The following FAN1 variants were observed in gnomAD, a reference collection of about 807,000 sequenced individuals.
The protein encoded by FAN1 is fanconi-associated nuclease 1.
FAN1 carries 91 observed loss-of-function variants against 104.9 expected under a neutral mutation model. That is an observed-to-expected ratio of 0.87 (90% confidence interval 0.73 to 1.03). The LOEUF (loss-of-function observed/expected upper bound fraction) is 1.03. Ranked by LOEUF, FAN1 falls within the 50% of genes least tolerant of loss-of-function variation. The probability of loss-of-function intolerance (pLI) is 0.00; values close to 1 mark genes in which losing one functional copy is unlikely to be tolerated. For synonymous variants in FAN1, 478 were observed against 457.6 expected, an observed-to-expected ratio of 1.04 and a Z score of -0.57; for missense variants, 1,263 against 1,239.9, an observed-to-expected ratio of 1.02 and a Z score of -0.28.
At chr15:30,936,484 A>G (rs1401725074) in intron 13 of FAN1, among the ~76,000 whole-genome samples, 1 of 152,222 alleles carries the variant, frequency 6.6e-6, no homozygotes, top group African/African-American at 2.4e-5. Flanking sequence ...GCATGCTTTA[A>G]AACAATTTTT....
At chr15:30,936,335 A>G (rs937676556) in intron 13 of FAN1, among the ~76,000 whole-genome samples, 2 of 152,214 alleles carry the variant, frequency 1.3e-5, no homozygotes, top group Admixed American at 6.5e-5. Context: ...GAAATGTCCC[A>G]GGCAGCGGGA....
At position 30,940,365 on chromosome 15, in the gene FAN1, C is replaced by T. The variant is rs771525213; in HGVS notation, c.*4-1201C>T. 5.2e-5 allele frequency: 51 copies of T among 985,298 alleles called. No homozygotes were observed. In the Admixed American group the frequency reaches 5.5e-4, roughly 11 times the overall value. The allele number at this position is 985,298 out of a possible 1,614,324, so 61.0% of individuals were successfully genotyped here. A position where few individuals can be genotyped will look rare whatever the true frequency, so the allele number is the denominator to read the frequency against. On this transcript the variant is annotated intron_variant, in intron 14 of 14. Transcript: ENST00000362065. ...TGTCCAAAGTTGGGGGCTGGGGGAG[C>T]ACTTCTGTCGCTATTCAAATGGCAG...
Position 30,941,222 on chromosome 15 carries a change from G to T in FAN1, c.*4-344G>T, listed in dbSNP as rs772107849. 6 of 1,402,250 alleles carry T rather than the reference G, an allele frequency of 4.3e-6. No individual in the cohort carries two copies. In the South Asian group the frequency reaches 6.1e-5, roughly 14 times the overall value. 86.9% of individuals were successfully genotyped at this position (1,402,250 alleles called of 1,614,324 possible). On this transcript the variant is annotated intron_variant, in intron 14 of 14. Coordinates refer to ENST00000362065, the MANE Select transcript of FAN1 (RefSeq NM_014967.5). ...GAGACAAAAATGTAGCAGACAACAT[G>T]AACAGTTTGATCACGGTTACAAGAG... is the stretch of plus-strand genomic sequence containing the variant.
At chr15:30,919,116 C>T (rs1716324772) in intron 6 of FAN1, among the ~76,000 whole-genome samples, 1 of 152,212 alleles carries the variant, frequency 6.6e-6, no homozygotes, top group Non-Finnish European at 1.5e-5. Context: ...TACGGTGGCT[C>T]ACGCCTGTAA....
At position 30,922,307 on chromosome 15, in the gene FAN1, G is replaced by A; in HGVS notation, c.2125G>A (p.Asp709Asn). 6.2e-7 allele frequency: 1 copy of A among 1,614,036 alleles called. No individual in the cohort carries two copies. Reference sequence around the variant, plus strand: ...TCCTGACAGCAGAGGCCGATGGTGGGATCGACTGGCCCTTAATTTACACCA... The same window carrying A: ...TCCTGACAGCAGAGGCCGATGGTGGAATCGACTGGCCCTTAATTTACACCA... ...YCPDSRGRWWDRLALNLHQHL... is the reference protein window; with the variant it reads ...YCPDSRGRWWNRLALNLHQHL... Residue 709 changes from aspartate to asparagine, a missense_variant, in exon 8 of 15, where the codon GAT becomes AAT. Coordinates refer to ENST00000362065, the MANE Select transcript of FAN1 (RefSeq NM_014967.5).
rs149953272 is a variant in FAN1, at chr15:30,920,549, C to G, written c.1948C>G (p.His650Asp). 14 of 1,603,370 alleles carry G rather than the reference C, an allele frequency of 8.7e-6. No individual in the cohort carries two copies. The African/African-American group carries it at 1.9e-4, about 22-fold the overall frequency. The change falls in exon 7 of 15, where the codon CAC becomes GAC. Residue 650 changes from histidine to aspartate, a missense_variant. Transcript: ENST00000362065. Reference protein sequence around the residue: ...RLKNHPSLRCHEDLPLFLRCF... With the variant: ...RLKNHPSLRCDEDLPLFLRCF... The stretch of plus-strand genomic sequence containing the variant: ...TGGTATATGTCTTCATTTTAGATGC[C>G]ACGAAGATTTACCACTCTTCCTGCG...
rs754557310 is a variant in FAN1, at chr15:30,943,058, G to C, written c.*1496G>C. ...TCTCATCACCCAATTGGATGTTTTT[G>C]CTTATAGCAAATTCCTGCAAAATAA... On this transcript the variant is annotated 3_prime_UTR_variant, in exon 15 of 15. Transcript: ENST00000362065. 1.3e-6 allele frequency: 2 copies of C among 1,532,210 alleles called. No individual in the cohort carries two copies. Among genetic ancestry groups the C allele is most frequent in the Non-Finnish European group, 1.8e-6 (2 of 1,142,018 alleles). 94.9% of individuals were successfully genotyped at this position (1,532,210 alleles called of 1,614,324 possible). A position where few individuals can be genotyped will look rare whatever the true frequency, so the allele number is the denominator to read the frequency against.
In FAN1 at chr15:30,942,104, G is replaced by A. The variant is rs1057462401; in HGVS notation, c.*542G>A. 2.5e-6 allele frequency: 4 copies of A among 1,576,460 alleles called. No homozygotes were observed. The South Asian group carries it at 3.5e-5, about 14-fold the overall frequency. ...AGAAGAGATTTTATTATGTTCCGGG[G>A]ATTCCCTTTTTAGAAAGATTGAAGG... On this transcript the variant is annotated 3_prime_UTR_variant, in exon 15 of 15. Coordinates refer to ENST00000362065, the MANE Select transcript of FAN1 (RefSeq NM_014967.5).
intron 13 of FAN1, among the ~76,000 whole-genome samples, chr15:30,932,895 G>A (rs993339890): frequency 1.5e-5 from 2 of 132,342 alleles, no homozygotes; most frequent in South Asian, 2.3e-4. Context: ...TTTTTTTTTT[G>A]TATTTTTAGT....
chr15:30,940,923 AAC>A, intron 14 of FAN1: 1 of 1,049,164 alleles, frequency 9.5e-7, no homozygotes, highest in Non-Finnish European at 1.2e-6. Flanking sequence ...ATGATTTCAA[AAC>A]ACAGTGATCT....
rs546524996 is a variant in FAN1 at position 30,937,878 on chromosome 15, G to T, written c.*3+619G>T. Among the ~76,000 whole-genome samples, 5 of 151,032 alleles carry T rather than the reference G, an allele frequency of 3.3e-5. No individual in the cohort carries two copies. In the South Asian group the frequency reaches 8.6e-4, roughly 26 times the overall value. On this transcript the variant is annotated intron_variant, in intron 14 of 14. Coordinates refer to ENST00000362065, the MANE Select transcript of FAN1 (RefSeq NM_014967.5). ...AAAACAAGTGATGATTCATCTTTAG[G>T]TTTTTTTTATAAAAAAGTAGTGGCT... is the stretch of plus-strand genomic sequence containing the variant.
intron 13 of FAN1, 54 bp from the exon 14 acceptor site, chr15:30,937,065 T>G: frequency 6.8e-7 from 1 of 1,478,660 alleles, no homozygotes; most frequent in African/African-American, 1.4e-5. Context: ...CTTACTTGAA[T>G]GGCTTTTCAT....
chr15:30,941,988 T>A lies in FAN1; in HGVS notation c.*426T>A. The A allele has an allele frequency of 6.2e-7, 1 of 1,614,036 alleles. No individual in the cohort carries two copies. Among genetic ancestry groups the A allele is most frequent in the Non-Finnish European group, 8.5e-7 (1 of 1,179,898 alleles). ...GGCTTTGGTTTTAATATCAATGAAT[T>A]TCTCCTTGGAAGTAATTCTTGGTCA... On this transcript the variant is annotated 3_prime_UTR_variant, in exon 15 of 15. Transcript: ENST00000362065.
At chr15:30,939,718 A>G in intron 14 of FAN1, 6 of 977,028 alleles carry the variant, frequency 6.1e-6, no homozygotes, top group Non-Finnish European at 7.3e-6. Context: ...ACATTTAGTA[A>G]TAATAAAAAA....
In FAN1 at chr15:30,925,837, G is replaced by T. The variant is rs544968083; in HGVS notation, c.2386G>T (p.Val796Leu). 1 of 1,614,234 alleles carries T rather than the reference G, an allele frequency of 6.2e-7. No homozygotes were observed. The highest frequency in any genetic ancestry group is 1.1e-5 in the South Asian group (1 of 91,090). The change falls in exon 10 of 15, where the codon GTG becomes TTG. Residue 796 changes from valine to leucine, a missense_variant. Val to Leu is a conservative substitution (Grantham distance 32). Coordinates refer to ENST00000362065, the MANE Select transcript of FAN1 (RefSeq NM_014967.5). The stretch of plus-strand genomic sequence containing the variant: ...CCCACAGCGTGGGATGTGCAAGTCT[G>T]TGTTTGTGATGGAGGCCGGGGAGGC... ...LCPQRGMCKS[V>L]FVMEAGEAAD...
rs543235593 is a variant in FAN1, at chr15:30,906,757, CAT to C, written c.1234+861_1234+862del. Among the ~76,000 whole-genome samples the C allele has an allele frequency of 1.1e-3, 174 of 152,326 alleles. 1 individual carries two copies. The highest frequency in any genetic ancestry group is 3.9e-3 in the African/African-American group (163 of 41,568). On this transcript the variant is annotated intron_variant, in intron 2 of 14. Transcript: ENST00000362065. ...TGGTATTCCTTGGGTTACTTTTTAA[CAT>C]GTGAGCGATACTTCTCTGGGCACAG...
rs1044213686 is a variant in FAN1 at position 30,929,133 on chromosome 15, C to T, written c.2593-70C>T. 10 of 1,378,550 alleles carry T rather than the reference C, an allele frequency of 7.3e-6. No homozygotes were observed. In the African/African-American group the frequency reaches 1.2e-4, roughly 16 times the overall value. 85.4% of individuals were successfully genotyped at this position (1,378,550 alleles called of 1,614,324 possible). A position where few individuals can be genotyped will look rare whatever the true frequency, so the allele number is the denominator to read the frequency against. Reference sequence around the variant, plus strand: ...GGCCGGTTTCCAAGTTTTGTATGTACTGACTAGTCCTCTGGTGAACACGGC... The same window carrying T: ...GGCCGGTTTCCAAGTTTTGTATGTATTGACTAGTCCTCTGGTGAACACGGC... On this transcript the variant is annotated intron_variant, in intron 11 of 14. Transcript: ENST00000362065.
intron 10 of FAN1, 87 bp downstream of exon 10, chr15:30,926,026 CCTCT>C: frequency 7.4e-7 from 1 of 1,343,026 alleles, no homozygotes; most frequent in South Asian, 1.3e-5. Flanking sequence ...GGGCTGCTGT[CCTCT>C]CTCTGTCCTC....
intron 10 of FAN1, chr15:30,928,208 C>G: frequency 2.9e-6 from 3 of 1,032,538 alleles, no homozygotes; most frequent in Non-Finnish European, 3.5e-6. Flanking sequence ...TAAGTCCCAG[C>G]CTTGGGAACC....
Sources: gnomAD v4.1 joint callset for allele counts (sites outside exome capture counted in the v4.1 genomes callset) on GRCh38, gnomAD v4.1.1 for gene constraint, MANE v1.5 for transcripts, NCBI Gene and HGNC (gene_info 2026-07-23, HGNC 2026-07-21) for gene names.